The following CLTRN variants were observed in gnomAD, a reference collection of about 807,000 sequenced individuals.
CLTRN encodes collectrin, amino acid transport regulator.
CLTRN carries 12 observed loss-of-function variants against 14.5 expected under a neutral mutation model. That is an observed-to-expected ratio of 0.83 (90% confidence interval 0.53 to 1.34). CLTRN has a LOEUF of 1.34. CLTRN is among the 40% of genes most tolerant of loss of function. CLTRN has a pLI of 0.00. For synonymous variants in CLTRN, 58 were observed against 56.5 expected (o/e 1.03, Z -0.12); for missense variants, 154 against 165.1 (o/e 0.93, Z 0.37).
At chrX:15,663,050 G>C (rs769586084) in intron 2 of CLTRN, among the ~76,000 whole-genome samples, 1 of 111,140 alleles carries the variant, frequency 9.0e-6, no homozygotes, top group Non-Finnish European at 1.9e-5. Context: ...TTCATTTCCT[G>C]TAACACTTCA....
chrX:15,632,630 G>C (rs1287567953), intron 5 of CLTRN, among the ~76,000 whole-genome samples: 1 of 109,958 alleles, frequency 9.1e-6, no homozygotes, highest in South Asian at 3.9e-4. Context: ...GGTGGCTCGC[G>C]CCTGTAATCC....
chrX:15,644,527 A>C (rs1008456896), intron 4 of CLTRN, among the ~76,000 whole-genome samples: 1 of 111,720 alleles, frequency 9.0e-6, no homozygotes, highest in Non-Finnish European at 1.9e-5. Context: ...CATGAGAGTC[A>C]TGATTTTACC....
intron 3 of CLTRN, among the ~76,000 whole-genome samples, chrX:15,658,366 T>C (rs1462559938): frequency 1.8e-5 from 2 of 112,436 alleles, no homozygotes; most frequent in African/African-American, 3.2e-5. Flanking sequence ...CTGCTATCAT[T>C]TGGGGATGGC....
Position 15,641,636 on chromosome X carries a change from C to CTGTGTGTGTGTG in CLTRN, c.318-1892_318-1881dup, listed in dbSNP as rs56407617. Among the ~76,000 whole-genome samples the CTGTGTGTGTGTG allele has an allele frequency of 2.3e-3, 205 of 88,472 alleles. 2 individuals carry two copies. Among genetic ancestry groups the CTGTGTGTGTGTG allele is most frequent in the African/African-American group, 8.4e-3 (194 of 23,048 alleles). The allele number at this position is 88,472 out of a possible 115,157, so 76.8% of individuals were successfully genotyped here. ...CACAGGTGTGTGCCACCACACCTGG[C>CTGTGTGTGTGTG]TGTGTGTGTGTGTGTGTGTGTGTGT... On this transcript the variant is annotated intron_variant, in intron 4 of 5. Coordinates refer to ENST00000380342, the MANE Select transcript of CLTRN (RefSeq NM_020665.6).
At chrX:15,636,573 A>ATTC (rs931273573) in intron 5 of CLTRN, among the ~76,000 whole-genome samples, 1 of 112,015 alleles carries the variant, frequency 8.9e-6, no homozygotes, top group African/African-American at 3.2e-5. Flanking sequence ...TGTTAACAAC[A>ATTC]CCTTAATAAA....
chrX:15,639,820 T>C (rs1384642204), intron 4 of CLTRN, 64 bp from the exon 5 acceptor site: 1 of 967,695 alleles, frequency 1.0e-6, no homozygotes. Flanking sequence ...TAAGACAAAG[T>C]ACAAACCTGT....
intron 2 of CLTRN, among the ~76,000 whole-genome samples, chrX:15,662,965 T>C (rs1175482624): frequency 9.0e-6 from 1 of 111,368 alleles, no homozygotes; most frequent in East Asian, 2.8e-4. Context: ...TCTGCCCTCT[T>C]TCTAATCTTT....
At chrX:15,628,187 T>C (rs1415629646) in intron 5 of CLTRN, 60 bp from the exon 6 acceptor site, 21 of 885,947 alleles carry the variant, frequency 2.4e-5, no homozygotes, top group Non-Finnish European at 2.9e-5. Flanking sequence ...TGGTTGCATA[T>C]GGTCTTCTGA....
intron 5 of CLTRN, among the ~76,000 whole-genome samples, chrX:15,632,298 C>T (rs1347462248): frequency 8.9e-6 from 1 of 112,526 alleles, no homozygotes; most frequent in Non-Finnish European, 1.9e-5. Flanking sequence ...GAGCTGACTG[C>T]CGGGCGTGGT....
intron 3 of CLTRN, among the ~76,000 whole-genome samples, chrX:15,653,477 C>G (rs1351556407): frequency 1.8e-5 from 2 of 111,200 alleles, no homozygotes; most frequent in Non-Finnish European, 3.8e-5. Context: ...TCATCTTCAT[C>G]CTCTTCCTCA....
chrX:15,653,449 T>C (rs1316869134), intron 3 of CLTRN, among the ~76,000 whole-genome samples: 2 of 111,365 alleles, frequency 1.8e-5, no homozygotes, highest in African/African-American at 6.5e-5. Flanking sequence ...GCCCATAGCA[T>C]CCTCAGCTGC....
At chrX:15,675,333 C>G (rs1929816862), upstream of CLTRN, among the ~76,000 whole-genome samples, 1 of 110,964 alleles carries the variant, frequency 9.0e-6, no homozygotes, top group African/African-American at 3.3e-5. Context: ...GATGGAAAGG[C>G]GGGCTGCGGA....
At chrX:15,666,321 C>A (rs1255771016), upstream of CLTRN, among the ~76,000 whole-genome samples, 1 of 111,597 alleles carries the variant, frequency 9.0e-6, no homozygotes, top group African/African-American at 3.3e-5. Flanking sequence ...AATCTTTCCC[C>A]GGTGGGCATT....
intron 1 of CLTRN, among the ~76,000 whole-genome samples, chrX:15,672,259 T>C (rs137915929): frequency 2.0e-3 from 226 of 112,196 alleles, no homozygotes; most frequent in Middle Eastern, 9.3e-3. Context: ...CAATGCTTTA[T>C]AATGGGTCTC....
At chrX:15,662,385 G>A (rs769314564) in intron 2 of CLTRN, among the ~76,000 whole-genome samples, 249 of 110,861 alleles carry the variant, frequency 2.2e-3, no homozygotes, top group Admixed American at 5.3e-3. Flanking sequence ...GGCCATTTCC[G>A]TCACTTATAT....
At chrX:15,629,110 T>C (rs2147193368) in intron 5 of CLTRN, among the ~76,000 whole-genome samples, 1 of 111,916 alleles carries the variant, frequency 8.9e-6, no homozygotes, top group South Asian at 3.8e-4. Flanking sequence ...CACTCCATGG[T>C]GACACCACGG....
chrX:15,658,726 A>T (rs2147212228), intron 3 of CLTRN, among the ~76,000 whole-genome samples: 1 of 107,377 alleles, frequency 9.3e-6, no homozygotes, highest in East Asian at 2.8e-4. Flanking sequence ...ATATATATAT[A>T]TATATATACA....
At chrX:15,667,655 CTG>C (rs1382223132), upstream of CLTRN, among the ~76,000 whole-genome samples, 1 of 112,060 alleles carries the variant, frequency 8.9e-6, no homozygotes, top group Non-Finnish European at 1.9e-5. Flanking sequence ...AAAAACAAAA[CTG>C]GGGTCATGCT....
chrX:15,639,968 T>C (rs1928903023), intron 4 of CLTRN, among the ~76,000 whole-genome samples: 1 of 112,162 alleles, frequency 8.9e-6, no homozygotes, highest in Non-Finnish European at 1.9e-5. Context: ...GGGATACCCA[T>C]GTATCCACTG....
Sources: gnomAD v4.1 joint callset for allele counts (sites outside exome capture counted in the v4.1 genomes callset) on GRCh38, gnomAD v4.1.1 for gene constraint, MANE v1.5 for transcripts, NCBI Gene and HGNC (gene_info 2026-07-23, HGNC 2026-07-21) for gene names.